EYS: variants seen among roughly 807,000 people sequenced by gnomAD.
EYS encodes EGF-like photoreceptor maintenance factor.
EYS carries 250 observed loss-of-function variants against 282.1 expected under a neutral mutation model. That is an observed-to-expected ratio of 0.89 (90% CI 0.80 to 0.98). The LOEUF (loss-of-function observed/expected upper bound fraction) is 0.98. EYS is among the 50% of genes least tolerant of loss of function. The pLI, the probability that EYS is intolerant of heterozygous loss-of-function variation, is 0.00. For synonymous variants in EYS, 1,355 were observed against 1,282.9 expected, an observed-to-expected ratio of 1.06 and a Z score of -1.20; for missense variants, 4,016 against 3,709.0, an observed-to-expected ratio of 1.08 and a Z score of -2.15.
chr6:64,533,898 A>G (rs761695376), intron 26 of EYS, among the ~76,000 whole-genome samples: 1 of 151,910 alleles, frequency 6.6e-6, no homozygotes, highest in Non-Finnish European at 1.5e-5. Flanking sequence ...CAAACATAAC[A>G]ATGTATTATA....
intron 12 of EYS, among the ~76,000 whole-genome samples, chr6:65,139,736 A>G (rs138663389): frequency 4.1e-4 from 63 of 152,150 alleles, no homozygotes; most frequent in African/African-American, 1.4e-3. Flanking sequence ...AAAGCCCAAT[A>G]TCCCACTTTC....
chr6:64,443,564 C>T (rs974695408), intron 26 of EYS, among the ~76,000 whole-genome samples: 55 of 152,174 alleles, frequency 3.6e-4, no homozygotes, highest in African/African-American at 1.3e-3. Context: ...GCCCATAATT[C>T]TCACATGTTG....
intron 14 of EYS, among the ~76,000 whole-genome samples, chr6:64,968,384 CAAAT>C (rs1770172343): frequency 6.6e-6 from 1 of 152,136 alleles, no homozygotes; most frequent in East Asian, 1.9e-4. Flanking sequence ...TTTTGCTGAT[CAAAT>C]AAATGTGTTA....
chr6:64,037,535 C>A (rs575013672), intron 33 of EYS, among the ~76,000 whole-genome samples: 1 of 152,076 alleles, frequency 6.6e-6, no homozygotes, highest in African/African-American at 2.4e-5. Context: ...TGTGAAACAT[C>A]CATGGAAAAA....
chr6:63,913,437 T>A (rs976405687), intron 35 of EYS, among the ~76,000 whole-genome samples: 6 of 152,200 alleles, frequency 3.9e-5, no homozygotes, highest in Non-Finnish European at 8.8e-5. Context: ...ATCATCCAAT[T>A]TCAGAACATT....
At position 64,156,039 on chromosome 6, in the gene EYS, TG is replaced by T. The variant is rs1355883031; in HGVS notation, c.6425-74038del. Among the ~76,000 whole-genome samples, 435 of 150,868 alleles carry T rather than the reference TG, an allele frequency of 2.9e-3. 3 individuals carry two copies. Among genetic ancestry groups the T allele is most frequent in the African/African-American group, 0.01 (415 of 41,114 alleles). Reference sequence around the variant, plus strand: ...GTATGTTTATGTGTGTGTGTGTGTGTGTTTGTGTGTGTGTATGTGTGTATTA... The same window carrying T: ...GTATGTTTATGTGTGTGTGTGTGTGTTTTGTGTGTGTGTATGTGTGTATTA... On this transcript the variant is annotated intron_variant, in intron 31 of 42. Transcript: ENST00000503581.
intron 12 of EYS, among the ~76,000 whole-genome samples, chr6:65,094,894 G>GA (rs892610710): frequency 1.3e-5 from 2 of 150,800 alleles, no homozygotes; most frequent in Non-Finnish European, 3.0e-5. Flanking sequence ...AGAGAAACAA[G>GA]AAAAAATGTC....
intron 12 of EYS, among the ~76,000 whole-genome samples, chr6:65,289,722 T>G (rs1318542249): frequency 6.6e-6 from 1 of 151,218 alleles, no homozygotes; most frequent in Admixed American, 6.6e-5. Context: ...TAACAAATCA[T>G]AGCAGTATTT....
chr6:64,883,496 T>C lies in EYS; in HGVS notation c.2992+3201A>G, dbSNP rs1020480697. Among the ~76,000 whole-genome samples the C allele has an allele frequency of 3.4e-5, 5 of 146,854 alleles. No homozygotes were observed. The Admixed American group carries it at 3.4e-4, about 10-fold the overall frequency. ...CAAATGTAGACATGACTACATGTAA[T>C]CACATTTAAAGTCCTTAAGCACAAG... is the stretch of plus-strand genomic sequence containing the variant. On this transcript the variant is annotated intron_variant, in intron 19 of 42. Coordinates refer to ENST00000503581, the MANE Select transcript of EYS (RefSeq NM_001142800.2).
At chr6:65,629,580 C>T (rs1440612067) in intron 2 of EYS, among the ~76,000 whole-genome samples, 1 of 152,168 alleles carries the variant, frequency 6.6e-6, no homozygotes, top group Non-Finnish European at 1.5e-5. Flanking sequence ...TTCTTCTTCT[C>T]CCTGTCTCAT....
chr6:64,411,937 G>T, intron 28 of EYS, among the ~76,000 whole-genome samples: 5 of 151,196 alleles, frequency 3.3e-5, no homozygotes, highest in Admixed American at 6.6e-5. Context: ...ATGTATATAT[G>T]TTTATATATG....
chr6:65,649,244 G>T (rs1767567324), intron 1 of EYS, among the ~76,000 whole-genome samples: 1 of 151,540 alleles, frequency 6.6e-6, no homozygotes, highest in Non-Finnish European at 1.5e-5. Flanking sequence ...TCTAGCAAGA[G>T]TTTTGTATGT....
At chr6:64,843,205 C>T (rs1765617599) in intron 19 of EYS, among the ~76,000 whole-genome samples, 1 of 152,160 alleles carries the variant, frequency 6.6e-6, no homozygotes, top group South Asian at 2.1e-4. Flanking sequence ...GAGAGAACCT[C>T]TGCTAGGGCA....
chr6:64,242,592 C>T (rs531530236), intron 30 of EYS, among the ~76,000 whole-genome samples: 1 of 151,838 alleles, frequency 6.6e-6, no homozygotes, highest in Non-Finnish European at 1.5e-5. Flanking sequence ...CTCTCAGCCC[C>T]AATTTTTTCC....
Position 64,994,525 on chromosome 6 carries a change from T to C in EYS, c.2259+3057A>G, listed in dbSNP as rs1007382293. Reference sequence around the variant, plus strand: ...GTGACTCTTTAGGCAAATGCGAATGTTTTATAGATTAAATAAATCATCTTT... The same window carrying C: ...GTGACTCTTTAGGCAAATGCGAATGCTTTATAGATTAAATAAATCATCTTT... On this transcript the variant is annotated intron_variant, in intron 14 of 42. Transcript: ENST00000503581. Among the ~76,000 whole-genome samples, 75 of 152,102 alleles carry C rather than the reference T, an allele frequency of 4.9e-4. 1 individual carries two copies. Among genetic ancestry groups the C allele is most frequent in the Admixed American group, 4.9e-3 (75 of 15,242 alleles).
chr6:64,316,157 C>T (rs546642180), intron 29 of EYS, among the ~76,000 whole-genome samples: 8 of 152,276 alleles, frequency 5.3e-5, no homozygotes, highest in African/African-American at 1.9e-4. Context: ...AGAACCGGCA[C>T]AAGACAAGGA....
intron 18 of EYS, among the ~76,000 whole-genome samples, chr6:64,891,613 C>T (rs933275620): frequency 3.3e-5 from 5 of 152,048 alleles, no homozygotes; most frequent in African/African-American, 9.7e-5. Context: ...TTTCCTTTCG[C>T]TATTACCTGC....
chr6:64,311,791 C>T (rs972526950), intron 29 of EYS, among the ~76,000 whole-genome samples: 2 of 152,232 alleles, frequency 1.3e-5, no homozygotes, highest in Admixed American at 6.5e-5. Flanking sequence ...CCTCCCCTAG[C>T]CAAGGGAAGC....
chr6:65,428,637 C>T (rs749479409), intron 5 of EYS, among the ~76,000 whole-genome samples: 7 of 151,982 alleles, frequency 4.6e-5, no homozygotes, highest in East Asian at 3.9e-4. Flanking sequence ...ACCACTTCGA[C>T]GCATAAAATT....
Sources: gnomAD v4.1 joint callset for allele counts (sites outside exome capture counted in the v4.1 genomes callset) on GRCh38, gnomAD v4.1.1 for gene constraint, MANE v1.5 for transcripts, NCBI Gene and HGNC (gene_info 2026-07-23, HGNC 2026-07-21) for gene names.